Variants in MOBP observed in about 807,000 individuals in gnomAD.
MOBP encodes myelin-associated oligodendrocyte basic protein.
In MOBP, 5 loss-of-function variants were observed where a neutral mutation model predicts 15.0. The observed-to-expected ratio is 0.33, with a 90% CI of 0.17 to 0.70. The LOEUF (loss-of-function observed/expected upper bound fraction) is 0.70. Among genes scored for constraint, MOBP ranks in the 30% least tolerant of loss-of-function variants. The pLI, the probability that MOBP is intolerant of heterozygous loss-of-function variation, is 0.67. For synonymous variants in MOBP, 88 were observed against 99.0 expected, an observed-to-expected ratio of 0.89 and a Z score of 0.66; for missense variants, 188 against 257.8, an observed-to-expected ratio of 0.73 and a Z score of 1.85.
chr3:39,506,848 G>A (rs924199248), downstream of MOBP, among the ~76,000 whole-genome samples: 2 of 152,222 alleles, frequency 1.3e-5, no homozygotes, highest in Admixed American at 6.5e-5. Flanking sequence ...TGGCCTTCAT[G>A]CTGCTTTTCC....
chr3:39,520,416 A>G (rs991028501), downstream of MOBP, among the ~76,000 whole-genome samples: 3 of 152,090 alleles, frequency 2.0e-5, no homozygotes, highest in Admixed American at 2.0e-4. Flanking sequence ...CTCTTGTGAC[A>G]CTTTTCCTCT....
chr3:39,503,272 C>CT (rs5848507), downstream of MOBP, among the ~76,000 whole-genome samples: 139,650 of 152,240 alleles, frequency 0.92, 64,700 homozygotes, highest in Middle Eastern at 0.98. Flanking sequence ...ACCCATCCAT[C>CT]TCCCAACACA....
chr3:39,518,648 A>G (rs772360068), downstream of MOBP, among the ~76,000 whole-genome samples: 3 of 152,168 alleles, frequency 2.0e-5, no homozygotes, highest in Non-Finnish European at 2.9e-5. Flanking sequence ...TGCTACCTCC[A>G]GGCAGTTCTA....
chr3:39,471,286 C>G (rs975003403), intron 1 of MOBP, among the ~76,000 whole-genome samples: 4 of 151,992 alleles, frequency 2.6e-5, no homozygotes, highest in Non-Finnish European at 5.9e-5. Flanking sequence ...CGTGCCACCA[C>G]GCCCAGCTAA....
intron 1 of MOBP, among the ~76,000 whole-genome samples, chr3:39,478,819 C>CT (rs556176078): frequency 1.7e-4 from 26 of 150,632 alleles, no homozygotes; most frequent in Middle Eastern, 3.4e-3. Flanking sequence ...GATCATTTGT[C>CT]TTTTTTTTTC....
At chr3:39,507,571 C>T (rs1364393463), downstream of MOBP, among the ~76,000 whole-genome samples, 6 of 152,254 alleles carry the variant, frequency 3.9e-5, no homozygotes, top group East Asian at 1.9e-4. Flanking sequence ...CGAGAATGAG[C>T]GAGCTAGAAG....
intron 4 of MOBP, among the ~76,000 whole-genome samples, chr3:39,511,580 G>A (rs1258672170): frequency 6.6e-6 from 1 of 152,170 alleles, no homozygotes; most frequent in African/African-American, 2.4e-5. Flanking sequence ...TGACTTAAGA[G>A]CCTTCACACT....
intron 1 of MOBP, among the ~76,000 whole-genome samples, chr3:39,479,770 G>T (rs1225798147): frequency 6.6e-6 from 1 of 151,264 alleles, no homozygotes; most frequent in Non-Finnish European, 1.5e-5. Flanking sequence ...AAGAACTACA[G>T]ATTTTCTATA....
At chr3:39,493,891 C>A (rs970714650) in intron 2 of MOBP, among the ~76,000 whole-genome samples, 1 of 152,156 alleles carries the variant, frequency 6.6e-6, no homozygotes, top group South Asian at 2.1e-4. Flanking sequence ...GTTCCAAAGG[C>A]TTGAAATAAT....
At chr3:39,487,953 T>G (rs2042741559) in intron 2 of MOBP, among the ~76,000 whole-genome samples, 1 of 152,214 alleles carries the variant, frequency 6.6e-6, no homozygotes, top group African/African-American at 2.4e-5. Context: ...TGGAAAAGTT[T>G]ACATCTTTTA....
At position 39,469,018 on chromosome 3, in the gene MOBP, A is replaced by G. The variant is rs200901594; in HGVS notation, c.-89+1278A>G. On this transcript the variant is annotated intron_variant, in intron 1 of 3. Coordinates refer to ENST00000684792, the MANE Select transcript of MOBP (RefSeq NM_001393704.1). Reference sequence around the variant, plus strand: ...TGTGTGTATATATACATATATACATATGTGTGTATATATATACATATATAC... The same window carrying G: ...TGTGTGTATATATACATATATACATGTGTGTGTATATATATACATATATAC... Among the ~76,000 whole-genome samples the G allele has an allele frequency of 1.7e-3, 119 of 69,788 alleles. 4 individuals carry two copies. The highest frequency in any genetic ancestry group is 3.2e-3 in the African/African-American group (23 of 7,264). The allele number at this position is 69,788 out of a possible 152,430, so 45.8% of individuals were successfully genotyped here.
rs566711906 is a variant in MOBP at position 39,502,981 on chromosome 3, C to T, written c.*101C>T. 146 of 615,902 alleles carry T rather than the reference C, an allele frequency of 2.4e-4. No homozygotes were observed. Among genetic ancestry groups the T allele is most frequent in the Non-Finnish European group, 3.7e-4 (130 of 355,282 alleles). The allele number at this position is 615,902 out of a possible 1,614,324, so 38.2% of individuals were successfully genotyped here. A position where few individuals can be genotyped will look rare whatever the true frequency, so the allele number is the denominator to read the frequency against. ...CCATGGCCCTCTTCAGCCTTATTACCCAACCTGTGTAATCAGCTCCCTCCA... is the reference window on the plus strand; with the variant it reads ...CCATGGCCCTCTTCAGCCTTATTACTCAACCTGTGTAATCAGCTCCCTCCA... On this transcript the variant is annotated 3_prime_UTR_variant, in exon 4 of 4. Coordinates refer to ENST00000684792, the MANE Select transcript of MOBP (RefSeq NM_001393704.1). This position sits in a 1 kb window ranked among gnomAD's most constrained non-coding sequence, Gnocchi z 6.3.
downstream of MOBP, chr3:39,525,574 A>G (rs1207889889): frequency 6.6e-6 from 1 of 152,236 alleles, no homozygotes; most frequent in Non-Finnish European, 1.5e-5. Context: ...AAGATCCAAC[A>G]AGGCCATGGC....
At chr3:39,469,956 T>G (rs1286041343) in intron 1 of MOBP, among the ~76,000 whole-genome samples, 2 of 152,228 alleles carry the variant, frequency 1.3e-5, no homozygotes, top group African/African-American at 4.8e-5. Flanking sequence ...TCTTATAGGC[T>G]TAAAGTGAGG....
At chr3:39,486,968 T>A (rs1003296152) in intron 2 of MOBP, among the ~76,000 whole-genome samples, 24 of 150,856 alleles carry the variant, frequency 1.6e-4, no homozygotes, top group Admixed American at 3.3e-4. Flanking sequence ...AGAGACAGGG[T>A]CTGGCTTTGC....
downstream of MOBP, among the ~76,000 whole-genome samples, chr3:39,518,045 C>T (rs1184585352): frequency 2.0e-5 from 3 of 152,202 alleles, no homozygotes; most frequent in Non-Finnish European, 2.9e-5. Context: ...TCATTTGGCT[C>T]AAAAAGATCT....
At chr3:39,513,680 A>G (rs1166431763) in exon 5 of MOBP, 5 of 475,474 alleles carry the variant, frequency 1.1e-5, no homozygotes, top group African/African-American at 2.0e-5. Context: ...CTAGAGCTCA[A>G]TGCACAGTTC....
intron 2 of MOBP, among the ~76,000 whole-genome samples, chr3:39,485,834 C>T (rs367956402): frequency 6.6e-6 from 1 of 152,200 alleles, no homozygotes; most frequent in Admixed American, 6.5e-5. Context: ...TGCTTCCTTA[C>T]TGTCCTTTGC....
At position 39,468,830 on chromosome 3, in the gene MOBP, TGTGTGTATATATACATATATACATGA is replaced by T. The variant is rs1559411574; in HGVS notation, c.-89+1115_-89+1140del. On this transcript the variant is annotated intron_variant, in intron 1 of 3. Transcript: ENST00000684792. ...TATGTGTGTGTATACATATTACATA[TGTGTGTATATATACATATATACATGA>T]GTGTGTATATATACATATATACATA... Among the ~76,000 whole-genome samples the T allele has an allele frequency of 3.4e-5, 4 of 117,024 alleles. 1 individual carries two copies. The highest frequency in any genetic ancestry group is 1.6e-4 in the Admixed American group (2 of 12,718). 76.8% of individuals were successfully genotyped at this position (117,024 alleles called of 152,430 possible). A position where few individuals can be genotyped will look rare whatever the true frequency, so the allele number is the denominator to read the frequency against.
Sources: allele counts gnomAD v4.1 joint callset (sites outside exome capture counted in the v4.1 genomes callset), GRCh38; gene constraint gnomAD v4.1.1; non-coding constraint Gnocchi (gnomAD v3.1); transcripts MANE v1.5; gene names NCBI Gene and HGNC (gene_info 2026-07-23, HGNC 2026-07-21).